The following N4BP1 variants were observed in gnomAD, a reference collection of about 807,000 sequenced individuals.
The protein encoded by N4BP1 is NEDD4-binding protein 1.
A neutral mutation model predicts 70.9 loss-of-function variants in N4BP1; 21 were observed. That is an observed-to-expected ratio of 0.30 (90% CI 0.21 to 0.43). The LOEUF is 0.43. Among genes scored for constraint, N4BP1 ranks in the 20% least tolerant of loss-of-function variants. The pLI, the probability that N4BP1 is intolerant of heterozygous loss-of-function variation, is 1.00. For synonymous variants in N4BP1, 387 were observed against 394.6 expected (o/e 0.98, Z 0.23); for missense variants, 936 against 1,069.4 (o/e 0.88, Z 1.74).
At chr16:48,573,798 T>C (rs1013583351) in intron 1 of N4BP1, among the ~76,000 whole-genome samples, 3 of 152,208 alleles carry the variant, frequency 2.0e-5, no homozygotes, top group Non-Finnish European at 4.4e-5. Flanking sequence ...TTTTGTATGT[T>C]GAATGTATTA....
chr16:48,571,784 G>A (rs1188400018), intron 1 of N4BP1, among the ~76,000 whole-genome samples: 1 of 152,184 alleles, frequency 6.6e-6, no homozygotes, highest in East Asian at 1.9e-4. Context: ...ACAAAGAAAC[G>A]GGAAAAATAA....
At chr16:48,599,416 T>TA (rs1220564571) in intron 1 of N4BP1, among the ~76,000 whole-genome samples, 2 of 152,220 alleles carry the variant, frequency 1.3e-5, no homozygotes, top group African/African-American at 2.4e-5. Context: ...AGAAGCATGT[T>TA]AGAGTCCACA....
chr16:48,544,175 G>A (rs1010997056), intron 6 of N4BP1, among the ~76,000 whole-genome samples: 8 of 152,204 alleles, frequency 5.3e-5, no homozygotes, highest in Admixed American at 4.6e-4. Flanking sequence ...CTTCATGTGG[G>A]TAGAAAAGCA....
In N4BP1 at chr16:48,539,308, C is replaced by G. The variant is rs1305646884; in HGVS notation, c.*3596G>C. On this transcript the variant is annotated 3_prime_UTR_variant, in exon 7 of 7. Coordinates refer to ENST00000262384, the MANE Select transcript of N4BP1 (RefSeq NM_153029.4). ...GGCCAGCCAGTTAGGGCCCACCACC[C>G]CTGGGTGTCTGAGAGTGGGAGTAGC... The G allele has an allele frequency of 1.3e-5, 2 of 152,540 alleles. No individual in the cohort carries two copies. Among genetic ancestry groups the G allele is most frequent in the Admixed American group, 6.5e-5 (1 of 15,284 alleles). 9.4% of individuals were successfully genotyped at this position (152,540 alleles called of 1,614,324 possible). A position where few individuals can be genotyped will look rare whatever the true frequency, so the allele number is the denominator to read the frequency against.
Position 48,543,207 on chromosome 16 carries a change from G to A in N4BP1, c.2388C>T (p.Ser796=), listed in dbSNP as rs1187428759. 1 of 1,570,816 alleles carries A rather than the reference G, an allele frequency of 6.4e-7. No homozygotes were observed. The highest frequency in any genetic ancestry group is 1.8e-5 in the Admixed American group (1 of 55,650). ...CTGCCTGGGTGCCAGGGACTCTGAA[G>A]CTGGGGTCAAACATGCCCACATTTG... ...ALPNVGMFDP[S]FRVPGTQAAS... The change falls in exon 7 of 7, where the codon AGC becomes AGT. Residue 796 remains serine, a synonymous_variant. Coordinates refer to ENST00000262384, the MANE Select transcript of N4BP1 (RefSeq NM_153029.4).
rs148708231 is a variant in N4BP1 at position 48,578,066 on chromosome 16, T to C, written c.199-15622A>G. On this transcript the variant is annotated intron_variant, in intron 1 of 6. Transcript: ENST00000262384. ...TGGCTGATGCACGTGTGCTTCTGCA[T>C]TGGCATAATCTTCAAAACCTCATCC... 2.1e-3 allele frequency: 336 copies of C among 156,760 alleles called. 2 individuals carry two copies. Among genetic ancestry groups the C allele is most frequent in the African/African-American group, 7.8e-3 (325 of 41,636 alleles). 9.7% of individuals were successfully genotyped at this position (156,760 alleles called of 1,614,324 possible). A position where few individuals can be genotyped will look rare whatever the true frequency, so the allele number is the denominator to read the frequency against.
chr16:48,554,539 G>T (rs1963723661), intron 2 of N4BP1, among the ~76,000 whole-genome samples: 1 of 152,172 alleles, frequency 6.6e-6, no homozygotes, highest in South Asian at 2.1e-4. Context: ...AATTCTGCAG[G>T]TGGTAATTTG....
intron 4 of N4BP1, among the ~76,000 whole-genome samples, chr16:48,551,112 C>T (rs977703259): frequency 6.6e-6 from 1 of 152,160 alleles, no homozygotes; most frequent in East Asian, 1.9e-4. Context: ...TAAGACAAGA[C>T]AAACATTACT....
intron 1 of N4BP1, among the ~76,000 whole-genome samples, chr16:48,607,060 G>A (rs969217737): frequency 6.6e-6 from 1 of 152,096 alleles, no homozygotes; most frequent in Non-Finnish European, 1.5e-5. Flanking sequence ...TCTTACCTAT[G>A]AGTCTCAAGG....
chr16:48,605,647 TA>T (rs1964568507), intron 1 of N4BP1, among the ~76,000 whole-genome samples: 1 of 152,186 alleles, frequency 6.6e-6, no homozygotes, highest in Admixed American at 6.5e-5. Context: ...CCAAATTGCA[TA>T]AAAGTTACTC....
At chr16:48,600,470 C>T in intron 1 of N4BP1, 1 of 611,942 alleles carries the variant, frequency 1.6e-6, no homozygotes, top group South Asian at 1.5e-5. Flanking sequence ...AACAGAAACG[C>T]CAAGCTAAAT....
intron 1 of N4BP1, among the ~76,000 whole-genome samples, chr16:48,607,189 C>T (rs543483926): frequency 6.6e-6 from 1 of 152,262 alleles, no homozygotes; most frequent in East Asian, 1.9e-4. Flanking sequence ...CTTTCCCAAA[C>T]AGCTTGGCTA....
intron 2 of N4BP1, among the ~76,000 whole-genome samples, chr16:48,558,623 G>T (rs952321115): frequency 3.9e-5 from 6 of 152,168 alleles, no homozygotes; most frequent in African/African-American, 1.2e-4. Context: ...TTTCTTATTT[G>T]GAAAATCCTT....
chr16:48,550,330 T>C lies in N4BP1; in HGVS notation c.2117+1056A>G, dbSNP rs185924355. 8.6e-3 allele frequency among the ~76,000 whole-genome samples: 1,312 copies of C among 152,010 alleles called. 72 individuals are homozygous for C. Among genetic ancestry groups the C allele is most frequent in the Admixed American group, 0.081 (1,233 of 15,252 alleles). ...GAGTTTGAGACCAGCCTTACCAACA[T>C]AGTGAAACCCTATCTCTACTAAAAA... On this transcript the variant is annotated intron_variant, in intron 4 of 6. Coordinates refer to ENST00000262384, the MANE Select transcript of N4BP1 (RefSeq NM_153029.4).
chr16:48,601,138 CATTGT>C (rs1293017634), intron 1 of N4BP1, among the ~76,000 whole-genome samples: 1 of 152,192 alleles, frequency 6.6e-6, no homozygotes, highest in Non-Finnish European at 1.5e-5. Flanking sequence ...AGCATAATGG[CATTGT>C]TTGATGAAGC....
chr16:48,581,890 T>C (rs1343081798), intron 1 of N4BP1, among the ~76,000 whole-genome samples: 1 of 151,616 alleles, frequency 6.6e-6, no homozygotes, highest in Admixed American at 6.6e-5. Flanking sequence ...ACGACATTGG[T>C]CTGGACAATG....
chr16:48,578,459 G>A (rs1431628565), intron 1 of N4BP1: 2 of 152,232 alleles, frequency 1.3e-5, no homozygotes, highest in East Asian at 1.9e-4. Context: ...TATCCCACAC[G>A]TGCCTCAAAC....
chr16:48,573,050 C>T (rs1182249346), intron 1 of N4BP1, among the ~76,000 whole-genome samples: 1 of 148,806 alleles, frequency 6.7e-6, no homozygotes, highest in African/African-American at 2.5e-5. Flanking sequence ...GTACAGGCTG[C>T]AGTGACCCGA....
rs752382380 is a variant in N4BP1 at position 48,561,068 on chromosome 16, A to G, written c.1575T>C (p.Gly525=). The change falls in exon 2 of 7, where the codon GGT becomes GGC. Residue 525 remains glycine (G), a synonymous_variant. Transcript: ENST00000262384. The part of the protein sequence containing the change: ...QPRVPLFPEN[G]LHQQPEPLLP... ...GCAAGGGTTCTGGCTGCTGGTGTAA[A>G]CCATTTTCAGGAAAAAGTGGAACTC... 6.2e-7 allele frequency: 1 copy of G among 1,613,848 alleles called. No individual in the cohort carries two copies. The highest frequency in any genetic ancestry group is 8.5e-7 in the Non-Finnish European group (1 of 1,179,870).
Sources: gnomAD v4.1 joint callset for allele counts (sites outside exome capture counted in the v4.1 genomes callset) on GRCh38, gnomAD v4.1.1 for gene constraint, MANE v1.5 for transcripts, NCBI Gene and HGNC (gene_info 2026-07-23, HGNC 2026-07-21) for gene names.